F9: variants seen among roughly 807,000 people sequenced by gnomAD.
F9 encodes Christmas factor.
F9 carries 2 observed loss-of-function variants against 34.1 expected under a neutral mutation model. The observed-to-expected ratio is 0.06, with a 90% CI of 0.02 to 0.18. The LOEUF (loss-of-function observed/expected upper bound fraction) is 0.18, where lower values mean the gene tolerates loss of function less well. Among genes scored for constraint, F9 ranks in the 10% least tolerant of loss-of-function variants. The pLI is 1.00. For missense variants in F9, 216 were observed against 345.1 expected, an observed-to-expected ratio of 0.63 and a Z score of 2.96; for synonymous variants, 137 against 118.8, an observed-to-expected ratio of 1.15 and a Z score of -1.00.
Position 139,548,515 on chromosome X carries a change from T to C in F9, c.520+24T>C, listed in dbSNP as rs776502394. On this transcript the variant is annotated intron_variant, in intron 5 of 7. Coordinates refer to ENST00000218099, the MANE Select transcript of F9 (RefSeq NM_000133.4). Reference sequence around the variant, plus strand: ...AGGTCATAATCTGAATAAGATTTTTTAAAGAAAATCTGTATCTGAAACTTC... The same window carrying C: ...AGGTCATAATCTGAATAAGATTTTTCAAAGAAAATCTGTATCTGAAACTTC... 5.8e-6 allele frequency: 7 copies of C among 1,196,781 alleles called. No homozygotes were observed. In the East Asian group the frequency reaches 2.1e-4, roughly 36 times the overall value.
rs758997540 is a variant in F9, at chrX:139,551,188, A to G, written c.647A>G (p.Gln216Arg). 1 of 1,211,434 alleles carries G rather than the reference A, an allele frequency of 8.3e-7. No individual in the cohort carries two copies. Among genetic ancestry groups the G allele is most frequent in the Non-Finnish European group, 1.1e-6 (1 of 895,347 alleles). Reference sequence around the variant, plus strand: ...GAAACCATTTTGGATAACATCACTCAAAGCACCCAATCATTTAATGACTTC... The same window carrying G: ...GAAACCATTTTGGATAACATCACTCGAAGCACCCAATCATTTAATGACTTC... ...EAETILDNIT[Q>R]STQSFNDFTR... The change falls in exon 6 of 8, where the codon CAA becomes CGA. Residue 216 changes from glutamine (Q) to arginine (R), a missense_variant. Transcript: ENST00000218099.
chrX:139,536,172 TATACATATATATGTGTAC>T (rs1365703195), intron 1 of F9, among the ~76,000 whole-genome samples: 1 of 100,348 alleles, frequency 1.0e-5, no homozygotes, highest in Non-Finnish European at 2.1e-5. Context: ...TGTATATATG[TATACATATATATGTGTAC>T]ATATATGTAT....
rs137852261 is a variant in F9 at position 139,561,835 on chromosome X, C to A, written c.1150C>A (p.Arg384=). ...ACTTGTTGACCGAGCCACATGTCTT[C>A]GATCTACAAAGTTCACCATCTATAA... ...VPLVDRATCL[R]STKFTIYNNM... Residue 384 remains arginine (R), a synonymous_variant, in exon 8 of 8, where the codon CGA becomes AGA. Transcript: ENST00000218099. 1 of 1,211,605 alleles carries A rather than the reference C, an allele frequency of 8.3e-7. No individual in the cohort carries two copies. The highest frequency in any genetic ancestry group is 1.8e-5 in the South Asian group (1 of 56,965).
Position 139,548,456 on chromosome X carries a change from G to A in F9, c.485G>A (p.Arg162Gln), listed in dbSNP as rs779281053. Residue 162 changes from arginine (R) to glutamine (Q), a missense_variant, in exon 5 of 8, where the codon CGA becomes CAA. Around this residue, in one of 2 missense-constraint regions of F9, gnomAD observed 177 missense variants for 311.8 expected, o/e 0.57. Coordinates refer to ENST00000218099, the MANE Select transcript of F9 (RefSeq NM_000133.4). The part of the protein sequence containing the change: ...KVVCSCTEGY[R>Q]LAENQKSCEP... ...GTTTGCTCCTGTACTGAGGGATATC[G>A]ACTTGCAGAAAACCAGAAGTCCTGT... The A allele has an allele frequency of 1.3e-5, 16 of 1,208,294 alleles. No individual in the cohort carries two copies. The highest frequency in any genetic ancestry group is 5.3e-5 in the African/African-American group (3 of 57,127).
Position 139,561,589 on chromosome X carries a change from C to T in F9, c.904C>T (p.His302Tyr), listed in dbSNP as rs369841886. 3.3e-6 allele frequency: 4 copies of T among 1,207,633 alleles called. No individual in the cohort carries two copies. The highest frequency in any genetic ancestry group is 4.5e-6 in the Non-Finnish European group (4 of 892,473). The stretch of plus-strand genomic sequence containing the variant: ...GCGAAATGTGATTCGAATTATTCCT[C>T]ACCACAACTACAATGCAGCTATTAA... ...QKRNVIRIIP[H>Y]HNYNAAINKY... Residue 302 changes from histidine (H) to tyrosine (Y), a missense_variant, in exon 8 of 8, where the codon CAC becomes TAC. Transcript: ENST00000218099.
intron 4 of F9, among the ~76,000 whole-genome samples, chrX:139,541,391 T>C (rs536564624): frequency 8.9e-6 from 1 of 111,928 alleles, no homozygotes; most frequent in Admixed American, 9.5e-5. Flanking sequence ...TGGTAACTAA[T>C]ATTAAGTAAT....
intron 3 of F9, among the ~76,000 whole-genome samples, chrX:139,538,527 C>G (rs983207583): frequency 3.6e-5 from 4 of 111,634 alleles, no homozygotes; most frequent in Admixed American, 1.9e-4. Flanking sequence ...CTCTTTTACT[C>G]TCATAACTCA....
rs752173947 is a variant in F9 at position 139,560,791 on chromosome X, T to C, written c.774T>C (p.Asn258=). The C allele has an allele frequency of 1.7e-6, 2 of 1,211,228 alleles. No homozygotes were observed. The highest frequency in any genetic ancestry group is 2.2e-6 in the Non-Finnish European group (2 of 894,941). ...VDAFCGGSIV[N]EKWIVTAAHC... ...CATTCTGTGGAGGCTCTATCGTTAA[T>C]GAAAAATGGATTGTAACTGCTGCCC... The change falls in exon 7 of 8, where the codon AAT becomes AAC. Residue 258 remains asparagine, a synonymous_variant. Coordinates refer to ENST00000218099, the MANE Select transcript of F9 (RefSeq NM_000133.4).
At chrX:139,548,520 A>G (rs2148361297) in intron 5 of F9, 29 bp downstream of exon 5, 1 of 1,192,087 alleles carries the variant, frequency 8.4e-7, no homozygotes, top group African/African-American at 1.8e-5. Context: ...TTTTTTAAAG[A>G]AAATCTGTAT....
chrX:139,533,177 C>G (rs948810846), intron 1 of F9, among the ~76,000 whole-genome samples: 6 of 111,775 alleles, frequency 5.4e-5, no homozygotes, highest in African/African-American at 2.0e-4. Flanking sequence ...ATGACTTAAC[C>G]ATCTGGGTAT....
In F9 at chrX:139,561,554, C is replaced by T. The variant is rs1928102442; in HGVS notation, c.869C>T (p.Thr290Ile). 2 of 1,207,412 alleles carry T rather than the reference C, an allele frequency of 1.7e-6. No individual in the cohort carries two copies. The highest frequency in any genetic ancestry group is 1.1e-6 in the Non-Finnish European group (1 of 892,862). ...CATAATATTGAGGAGACAGAACATA[C>T]AGAGCAAAAGCGAAATGTGATTCGA... ...GEHNIEETEH[T>I]EQKRNVIRII... The change falls in exon 8 of 8, where the codon ACA (threonine) becomes ATA (isoleucine). Residue 290 changes from threonine to isoleucine, a missense_variant. By Grantham distance (89) the Thr-to-Ile change is moderately conservative (BLOSUM62 -1). Transcript: ENST00000218099.
At chrX:139,560,678 C>T (rs1195844842) in intron 6 of F9, 63 bp from the exon 7 acceptor site, 11 of 799,168 alleles carry the variant, frequency 1.4e-5, no homozygotes, top group Non-Finnish European at 1.7e-5. Context: ...AACCAGCACA[C>T]ATATTTATTT....
chrX:139,537,124 A>G lies in F9; in HGVS notation c.203A>G (p.Lys68Arg), dbSNP rs1364356358. 5.8e-6 allele frequency: 7 copies of G among 1,211,473 alleles called. No individual in the cohort carries two copies. Among genetic ancestry groups the G allele is most frequent in the Non-Finnish European group, 6.7e-6 (6 of 895,238 alleles). ...GNLERECMEE[K>R]CSFEEAREVF... Reference sequence around the variant, plus strand: ...CTTGAGAGAGAATGTATGGAAGAAAAGTGTAGTTTTGAAGAAGCACGAGAA... The same window carrying G: ...CTTGAGAGAGAATGTATGGAAGAAAGGTGTAGTTTTGAAGAAGCACGAGAA... Residue 68 changes from lysine (K) to arginine (R), a missense_variant, in exon 2 of 8, where the codon AAG (lysine) becomes AGG (arginine). By Grantham distance (26) the Lys-to-Arg change is conservative. This residue lies in a region of F9 where 177 missense variants were observed against 311.8 expected (regional missense o/e 0.57). Transcript: ENST00000218099.
At chrX:139,560,325 T>C (rs771426863) in intron 6 of F9, among the ~76,000 whole-genome samples, 12 of 111,976 alleles carry the variant, frequency 1.1e-4, no homozygotes, top group Non-Finnish European at 2.3e-4. Flanking sequence ...AAAAATTTCA[T>C]CATGTAGGTA....
intron 1 of F9, among the ~76,000 whole-genome samples, chrX:139,533,379 A>C (rs978180051): frequency 8.0e-5 from 9 of 112,372 alleles, no homozygotes; most frequent in African/African-American, 2.6e-4. Context: ...ATAAGATGAC[A>C]GTGCCTATCT....
rs1928144358 is a variant in F9 at position 139,562,450 on chromosome X, GT to G, written c.*382del. ...TTGCTTCTCCAACCAAAACATCAAT[GT>G]TTATTAGTTCTGTATACAGTACAGG... is the stretch of plus-strand genomic sequence containing the variant. On this transcript the variant is annotated 3_prime_UTR_variant, in exon 8 of 8. Coordinates refer to ENST00000218099, the MANE Select transcript of F9 (RefSeq NM_000133.4). 4 of 231,075 alleles carry G rather than the reference GT, an allele frequency of 1.7e-5. No homozygotes were observed. The highest frequency in any genetic ancestry group is 2.9e-5 in the African/African-American group (1 of 35,059). The allele number at this position is 231,075 out of a possible 1,213,427, so 19.0% of individuals were successfully genotyped here.
chrX:139,537,332 C>G (rs1480357047), intron 2 of F9, 30 bp from the exon 3 acceptor site: 1 of 1,174,904 alleles, frequency 8.5e-7, no homozygotes, highest in Non-Finnish European at 1.2e-6. Context: ...TAGATATTAC[C>G]GTTAATTTGT....
intron 6 of F9, among the ~76,000 whole-genome samples, chrX:139,559,691 G>A (rs2148366737): frequency 8.9e-6 from 1 of 111,875 alleles, no homozygotes; most frequent in African/African-American, 3.2e-5. Flanking sequence ...ATGCCCCAAG[G>A]ACCATCTGAT....
chrX:139,546,788 G>T (rs1487609462), intron 4 of F9, among the ~76,000 whole-genome samples: 1 of 111,358 alleles, frequency 9.0e-6, no homozygotes, highest in South Asian at 3.7e-4. Flanking sequence ...ATTATGAGAC[G>T]TTATTGAGAA....
Sources: gnomAD v4.1 joint callset for allele counts (sites outside exome capture counted in the v4.1 genomes callset) on GRCh38, gnomAD v4.1.1 for gene constraint, gnomAD v4.1.1 regional missense constraint, MANE v1.5 for transcripts, NCBI Gene and HGNC (gene_info 2026-07-23, HGNC 2026-07-21) for gene names.